SRRM4: variants seen among roughly 807,000 people sequenced by gnomAD.
SRRM4 encodes the protein serine/arginine repetitive matrix 4, also known as serine/arginine repetitive matrix protein 4.
SRRM4 carries 33 observed loss-of-function variants against 68.9 expected under a neutral mutation model. The observed-to-expected ratio is 0.48, with a 90% CI of 0.36 to 0.64. SRRM4 has a LOEUF of 0.64. Ranked by LOEUF, SRRM4 falls within the 30% of genes least tolerant of loss-of-function variation. SRRM4 has a pLI of 0.00. For synonymous variants in SRRM4, 318 were observed against 318.8 expected (o/e 1.00, Z 0.03); for missense variants, 817 against 827.1 (o/e 0.99, Z 0.15).
At chr12:119,041,293 C>T (rs1393610083) in intron 1 of SRRM4, among the ~76,000 whole-genome samples, 1 of 152,028 alleles carries the variant, frequency 6.6e-6, no homozygotes, top group African/African-American at 2.4e-5. Flanking sequence ...GGAGTCACAC[C>T]TCTAAATTAA....
intron 1 of SRRM4, among the ~76,000 whole-genome samples, chr12:119,087,254 T>C (rs1390766443): frequency 2.0e-5 from 3 of 152,202 alleles, no homozygotes; most frequent in Non-Finnish European, 4.4e-5. Context: ...ACCCAGCACA[T>C]AGCTGGTGCT....
intron 1 of SRRM4, among the ~76,000 whole-genome samples, chr12:119,054,310 CTG>C (rs1413756420): frequency 6.6e-6 from 1 of 152,192 alleles, no homozygotes; most frequent in African/African-American, 2.4e-5. Flanking sequence ...TGAGCACTCA[CTG>C]TGCCAGATGC....
Position 119,154,288 on chromosome 12 carries a change from G to A in SRRM4, c.1437G>A (p.Glu479=), listed in dbSNP as rs1451088838. The A allele has an allele frequency of 2.5e-6, 4 of 1,610,700 alleles. No homozygotes were observed. The highest frequency in any genetic ancestry group is 3.4e-6 in the Non-Finnish European group (4 of 1,178,620). Residue 479 remains glutamate, a synonymous_variant, in exon 12 of 13, where the codon GAG becomes GAA. Coordinates refer to ENST00000267260, the MANE Select transcript of SRRM4 (RefSeq NM_194286.4). This position sits in a 1 kb window ranked among gnomAD's most constrained non-coding sequence, Gnocchi z 4.7. Reference sequence around the variant, plus strand: ...GTGAGAAGGACTCGCAGCAGCGGGAGCGCGAGCGAGCGCGTCGGAGACGTC... The same window carrying A: ...GTGAGAAGGACTCGCAGCAGCGGGAACGCGAGCGAGCGCGTCGGAGACGTC... ...KYSEKDSQQR[E]RERARRRRRS...
intron 9 of SRRM4, 42 bp from the exon 10 acceptor site, chr12:119,150,975 G>T (rs755572075): frequency 6.3e-7 from 1 of 1,587,100 alleles, no homozygotes. Flanking sequence ...TGCTCCCAGA[G>T]TAGTGGGCAG....
intron 2 of SRRM4, among the ~76,000 whole-genome samples, chr12:119,103,224 AT>A (rs533750467): frequency 3.3e-5 from 5 of 151,720 alleles, no homozygotes; most frequent in Non-Finnish European, 5.9e-5. Context: ...AACTGGAGTC[AT>A]TTTTTTTCTT....
chr12:119,122,264 AAGGCAGGAAGGCAGGAAGGC>A, intron 6 of SRRM4, 144 bp downstream of exon 6: 2 of 262,198 alleles, frequency 7.6e-6, no homozygotes, highest in Non-Finnish European at 1.3e-5. Flanking sequence ...GGAAGGCAGG[AAGGCAGGAAGGCAGGAAGGC>A]AGGAAGGCAG....
At chr12:118,986,233 G>A (rs998035481) in intron 1 of SRRM4, among the ~76,000 whole-genome samples, 1 of 152,190 alleles carries the variant, frequency 6.6e-6, no homozygotes, top group African/African-American at 2.4e-5. Flanking sequence ...CGATTTTCTG[G>A]CAGCAGCCTG....
chr12:119,068,270 G>A (rs1026889104), intron 1 of SRRM4, among the ~76,000 whole-genome samples: 3 of 152,192 alleles, frequency 2.0e-5, no homozygotes, highest in Admixed American at 6.5e-5. Flanking sequence ...TGGAGAGCAC[G>A]TAGAACCATG....
intron 1 of SRRM4, among the ~76,000 whole-genome samples, chr12:118,985,491 A>G (rs1953276494): frequency 6.6e-6 from 1 of 152,212 alleles, no homozygotes; most frequent in Admixed American, 6.5e-5. Flanking sequence ...GTCTTTAAAA[A>G]TGAAAGAAGG....
chr12:119,122,723 T>C (rs1339505352), intron 6 of SRRM4, among the ~76,000 whole-genome samples: 1 of 151,968 alleles, frequency 6.6e-6, no homozygotes, highest in African/African-American at 2.4e-5. Context: ...ACTGTGTGTG[T>C]GCGCTGTGTA....
chr12:119,033,775 A>G (rs1181687917), intron 1 of SRRM4, among the ~76,000 whole-genome samples: 6 of 152,176 alleles, frequency 3.9e-5, no homozygotes, highest in African/African-American at 1.4e-4. Context: ...CTTTTATAAT[A>G]AAAAAGTATT....
chr12:119,122,682 T>C (rs561484222), intron 6 of SRRM4, among the ~76,000 whole-genome samples: 3 of 152,310 alleles, frequency 2.0e-5, no homozygotes, highest in African/African-American at 4.8e-5. Context: ...TGAATGTGAA[T>C]GGTATACATA....
At chr12:119,010,769 A>C (rs760983414) in intron 1 of SRRM4, among the ~76,000 whole-genome samples, 16 of 152,352 alleles carry the variant, frequency 1.1e-4, no homozygotes, top group African/African-American at 3.1e-4. Flanking sequence ...AAGAATCTGC[A>C]AACAGCCCAG....
chr12:119,024,752 T>A (rs957070051), intron 1 of SRRM4, among the ~76,000 whole-genome samples: 3 of 152,188 alleles, frequency 2.0e-5, no homozygotes, highest in African/African-American at 7.2e-5. Context: ...TGCCTTAGGA[T>A]CTTTTCCAAT....
At chr12:119,132,504 A>G (rs1954304481) in intron 8 of SRRM4, 1 of 152,332 alleles carries the variant, frequency 6.6e-6, no homozygotes, top group African/African-American at 2.4e-5. Flanking sequence ...TGCCATTGGA[A>G]GCAACTGGCT....
intron 1 of SRRM4, among the ~76,000 whole-genome samples, chr12:119,056,027 C>G (rs1009623323): frequency 6.6e-6 from 1 of 152,240 alleles, no homozygotes; most frequent in Non-Finnish European, 1.5e-5. Flanking sequence ...CCCCTCCAGT[C>G]TCTCCAGATT....
At chr12:119,136,198 C>G (rs1331921589) in intron 8 of SRRM4, among the ~76,000 whole-genome samples, 1 of 152,174 alleles carries the variant, frequency 6.6e-6, no homozygotes, top group Non-Finnish European at 1.5e-5. Flanking sequence ...CGCAGGTGAA[C>G]TTCACAACAA....
At chr12:119,024,211 T>G (rs927682820) in intron 1 of SRRM4, among the ~76,000 whole-genome samples, 1 of 152,034 alleles carries the variant, frequency 6.6e-6, no homozygotes, top group Non-Finnish European at 1.5e-5. Context: ...AAGAAGGAGG[T>G]GCTCTGCCCG....
intron 1 of SRRM4, among the ~76,000 whole-genome samples, chr12:118,999,590 TAACAGA>T (rs1953371502): frequency 6.6e-6 from 1 of 152,246 alleles, no homozygotes; most frequent in Non-Finnish European, 1.5e-5. Flanking sequence ...CAACTAAAAC[TAACAGA>T]GTTATTTATA....
Sources: gnomAD v4.1 joint callset for allele counts (sites outside exome capture counted in the v4.1 genomes callset) on GRCh38, gnomAD v4.1.1 for gene constraint, Gnocchi (gnomAD v3.1) non-coding constraint, MANE v1.5 for transcripts, NCBI Gene and HGNC (gene_info 2026-07-23, HGNC 2026-07-21) for gene names.